RBFOX1: variants seen among roughly 807,000 people sequenced by gnomAD.
RBFOX1 encodes the protein RNA binding fox-1 homolog 1.
RBFOX1 carries 8 observed loss-of-function variants against 57.7 expected under a neutral mutation model. That is an observed-to-expected ratio of 0.14 (90% CI 0.08 to 0.25). RBFOX1 has a LOEUF of 0.25. Ranked by LOEUF, RBFOX1 falls within the 10% of genes least tolerant of loss-of-function variation. The pLI is 1.00. For synonymous variants in RBFOX1, 326 were observed against 222.4 expected (o/e 1.47, Z -4.15); for missense variants, 611 against 548.5 (o/e 1.11, Z -1.14).
At chr16:7,590,154 C>G (rs973779827) in intron 7 of RBFOX1, among the ~76,000 whole-genome samples, 3 of 151,988 alleles carry the variant, frequency 2.0e-5, no homozygotes, top group African/African-American at 7.3e-5. Context: ...GTAGTCCAAG[C>G]TACTTGGGAG....
chr16:7,644,686 G>C (rs2063423461), intron 11 of RBFOX1, among the ~76,000 whole-genome samples: 1 of 152,182 alleles, frequency 6.6e-6, no homozygotes, highest in Non-Finnish European at 1.5e-5. Context: ...AGACACAGTA[G>C]GGACCAACAT....
chr16:5,433,151 G>A (rs887668082), intron 1 of RBFOX1, among the ~76,000 whole-genome samples: 2 of 152,146 alleles, frequency 1.3e-5, no homozygotes, highest in African/African-American at 4.8e-5. Flanking sequence ...CCAAAGTGCT[G>A]GGATTACACG....
intron 3 of RBFOX1, among the ~76,000 whole-genome samples, chr16:6,797,102 A>C (rs972278204): frequency 6.6e-6 from 1 of 152,140 alleles, no homozygotes; most frequent in African/African-American, 2.4e-5. Flanking sequence ...CGATCCTCCC[A>C]CAGGTAGAAG....
intron 4 of RBFOX1, among the ~76,000 whole-genome samples, chr16:7,191,718 C>T (rs1039445903): frequency 6.6e-6 from 1 of 152,116 alleles, no homozygotes; most frequent in Non-Finnish European, 1.5e-5. Context: ...TTTAAAGAAA[C>T]AAAAATTTTA....
chr16:5,336,246 C>T lies in RBFOX1; in HGVS notation c.219+96141C>T, dbSNP rs529199150. Among the ~76,000 whole-genome samples the T allele has an allele frequency of 6.6e-5, 10 of 152,218 alleles. No homozygotes were observed. In the South Asian group the frequency reaches 1.0e-3, roughly 16 times the overall value. ...GGGGATGGCACTGAGACCCTAGAAA[C>T]GGGCACATATTAGGGAGGCTGGTTC... On this transcript the variant is annotated intron_variant, in intron 1 of 2. Transcript: ENST00000585867.
chr16:6,650,581 C>T (rs114070008), intron 2 of RBFOX1, among the ~76,000 whole-genome samples: 2 of 152,322 alleles, frequency 1.3e-5, no homozygotes, highest in African/African-American at 4.8e-5. Context: ...ACACCAAGCA[C>T]AGTTCCTGGC....
At chr16:5,847,422 G>A (rs925381725) in intron 3 of RBFOX1, among the ~76,000 whole-genome samples, 10 of 152,046 alleles carry the variant, frequency 6.6e-5, no homozygotes, top group African/African-American at 2.4e-4. Flanking sequence ...ATTAAAATGT[G>A]TGCACAGATG....
intron 1 of RBFOX1, among the ~76,000 whole-genome samples, chr16:6,307,883 A>C (rs1459368755): frequency 7.2e-6 from 1 of 139,468 alleles, no homozygotes; most frequent in Non-Finnish European, 1.5e-5. Flanking sequence ...AATTTATATT[A>C]TTTATATATT....
chr16:7,043,844 A>T (rs1032754493), intron 3 of RBFOX1, among the ~76,000 whole-genome samples: 3 of 152,086 alleles, frequency 2.0e-5, no homozygotes, highest in Non-Finnish European at 1.5e-5. Context: ...CCATAATCTC[A>T]CTGAGCTTTC....
At chr16:6,464,788 G>A (rs2095003598) in intron 2 of RBFOX1, among the ~76,000 whole-genome samples, 1 of 152,200 alleles carries the variant, frequency 6.6e-6, no homozygotes, top group Non-Finnish European at 1.5e-5. Flanking sequence ...TCACTTGGCT[G>A]AATGTATTTC....
intron 1 of RBFOX1, among the ~76,000 whole-genome samples, chr16:6,138,291 A>G (rs1264648409): frequency 5.3e-5 from 8 of 152,176 alleles, no homozygotes; most frequent in Non-Finnish European, 1.0e-4. Flanking sequence ...AGGGGGCCCC[A>G]TGTTTTTATT....
chr16:5,847,918 A>G (rs1276668369), intron 3 of RBFOX1, among the ~76,000 whole-genome samples: 1 of 152,160 alleles, frequency 6.6e-6, no homozygotes, highest in Non-Finnish European at 1.5e-5. Context: ...GACTCTAGGG[A>G]TACAGGAATA....
chr16:7,272,070 C>G (rs1459040004), intron 4 of RBFOX1, among the ~76,000 whole-genome samples: 1 of 152,198 alleles, frequency 6.6e-6, no homozygotes, highest in African/African-American at 2.4e-5. Flanking sequence ...TGATCATATC[C>G]TCTTCATATC....
At chr16:5,625,794 G>A (rs2048332848) in intron 3 of RBFOX1, among the ~76,000 whole-genome samples, 1 of 152,102 alleles carries the variant, frequency 6.6e-6, no homozygotes, top group Non-Finnish European at 1.5e-5. Context: ...CTGACCTCAG[G>A]TGATCTGTCT....
At chr16:6,800,292 TTAGTCCTG>T (rs1164990585) in intron 3 of RBFOX1, among the ~76,000 whole-genome samples, 1 of 151,550 alleles carries the variant, frequency 6.6e-6, no homozygotes, top group Non-Finnish European at 1.5e-5. Flanking sequence ...TGGAAACACC[TTAGTCCTG>T]GGCCAACCAG....
intron 4 of RBFOX1, among the ~76,000 whole-genome samples, chr16:5,905,554 A>C (rs1029807324): frequency 1.3e-5 from 2 of 152,140 alleles, no homozygotes; most frequent in African/African-American, 4.8e-5. Flanking sequence ...TCTACAAAAA[A>C]ATGCAAAAAC....
chr16:7,278,899 C>T (rs1331663613), intron 4 of RBFOX1, among the ~76,000 whole-genome samples: 4 of 152,028 alleles, frequency 2.6e-5, no homozygotes, highest in Admixed American at 6.6e-5. Context: ...TTATTCTGAC[C>T]GGGGCTAGAG....
intron 4 of RBFOX1, among the ~76,000 whole-genome samples, chr16:7,497,972 A>T (rs1387079594): frequency 1.3e-5 from 2 of 152,206 alleles, no homozygotes; most frequent in African/African-American, 4.8e-5. Flanking sequence ...GAGTAAAAAC[A>T]AGCTTTTAAA....
intron 5 of RBFOX1, among the ~76,000 whole-genome samples, chr16:7,567,749 C>T (rs905992621): frequency 4.9e-5 from 6 of 122,554 alleles, no homozygotes; most frequent in Admixed American, 4.3e-4. Context: ...CTATATATAT[C>T]CATATAACCC....
Sources: allele counts gnomAD v4.1 joint callset (sites outside exome capture counted in the v4.1 genomes callset), GRCh38; gene constraint gnomAD v4.1.1; transcripts MANE v1.5; gene names NCBI Gene and HGNC (gene_info 2026-07-23, HGNC 2026-07-21).